VPS33A: variants seen among roughly 807,000 people sequenced by gnomAD.
VPS33A encodes vacuolar protein sorting-associated protein 33A.
In VPS33A, 32 loss-of-function variants were observed where a neutral mutation model predicts 71.8. The observed-to-expected ratio is 0.45, with a 90% CI of 0.34 to 0.60. The LOEUF is 0.60. Among genes scored for constraint, VPS33A ranks in the 20% least tolerant of loss-of-function variants. The pLI is 0.02. For synonymous variants in VPS33A, 311 were observed against 292.7 expected (o/e 1.06, Z -0.64); for missense variants, 625 against 748.5 (o/e 0.84, Z 1.92).
chr12:122,256,290 A>T (rs992627512), intron 4 of VPS33A, among the ~76,000 whole-genome samples: 11 of 151,936 alleles, frequency 7.2e-5, no homozygotes, highest in Admixed American at 5.9e-4. Context: ...AGAAGAAAAA[A>T]AGGCCAGGCA....
chr12:122,249,774 T>C, intron 6 of VPS33A, 97 bp downstream of exon 6: 1 of 1,208,802 alleles, frequency 8.3e-7, no homozygotes, highest in Non-Finnish European at 1.1e-6. Context: ...TCTCTGACTT[T>C]AAATTATGCT....
chr12:122,245,575 C>G (rs1247925720), intron 6 of VPS33A, among the ~76,000 whole-genome samples: 1 of 151,922 alleles, frequency 6.6e-6, no homozygotes, highest in African/African-American at 2.4e-5. Flanking sequence ...TCCTGAGTAG[C>G]TCAGATTATA....
chr12:122,263,493 C>T, intron 3 of VPS33A, 79 bp downstream of exon 3: 2 of 1,467,972 alleles, frequency 1.4e-6, no homozygotes, highest in Non-Finnish European at 1.8e-6. Flanking sequence ...GAGTGAGGGT[C>T]TTCCATGAGA....
chr12:122,238,807 A>ACACACACACACAC, intron 9 of VPS33A, 83 bp from the exon 10 acceptor site: 1 of 1,144,420 alleles, frequency 8.7e-7, no homozygotes, highest in Admixed American at 2.6e-5. Context: ...ACACACACAC[A>ACACACACACACAC]ATACATGGTT....
In VPS33A at chr12:122,235,850, C is replaced by G. The variant is rs1416257303; in HGVS notation, c.1376G>C (p.Gly459Ala). 8 of 1,613,504 alleles carry G rather than the reference C, an allele frequency of 5.0e-6. No homozygotes were observed. Among genetic ancestry groups the G allele is most frequent in the Non-Finnish European group, 6.8e-6 (8 of 1,179,834 alleles). ...KAGLLKPQTG[G>A]RNNYPTIRKT... is the part of the protein sequence containing the mutation. ...CCGTATAGTTGGGTAATTGTTTCTG[C>G]CCCCCGTCTGCGGTTTCAGCAGGCC... Residue 459 changes from glycine to alanine, a missense_variant, in exon 11 of 13, where the codon GGC (glycine) becomes GCC (alanine). Transcript: ENST00000267199.
At position 122,232,675 on chromosome 12, in the gene VPS33A, C is replaced by T. The variant is rs114693425; in HGVS notation, c.1609+125G>A. On this transcript the variant is annotated intron_variant, in intron 12 of 12. Transcript: ENST00000267199. ...GAGTTCTTACTACATACATTAGCAA[C>T]GAACAAAAGAGGTGTATTTAATTCT... 1,121 of 1,266,550 alleles carry T rather than the reference C, an allele frequency of 8.9e-4. 1 individual carries two copies. The African/African-American group carries it at 0.014, about 16-fold the overall frequency. The allele number at this position is 1,266,550 out of a possible 1,614,324, so 78.5% of individuals were successfully genotyped here. A position where few individuals can be genotyped will look rare whatever the true frequency, so the allele number is the denominator to read the frequency against.
At position 122,238,806 on chromosome 12, in the gene VPS33A, C is replaced by CACACACACACAA. The variant is rs1246278267; in HGVS notation, c.1165-83_1165-82insTTGTGTGTGTGT. On this transcript the variant is annotated intron_variant, in intron 9 of 12. Coordinates refer to ENST00000267199, the MANE Select transcript of VPS33A (RefSeq NM_022916.6). Reference sequence around the variant, plus strand: ...ACACACACACACACACACACACACACAATACATGGTTTAGGAACTTAACTT... The same window carrying CACACACACACAA: ...ACACACACACACACACACACACACACACACACACACAAAATACATGGTTTAGGAACTTAACTT... 3.7e-6 allele frequency: 4 copies of CACACACACACAA among 1,084,640 alleles called. No individual in the cohort carries two copies. The African/African-American group carries it at 6.8e-5, about 18-fold the overall frequency. 67.2% of individuals were successfully genotyped at this position (1,084,640 alleles called of 1,614,324 possible). A position where few individuals can be genotyped will look rare whatever the true frequency, so the allele number is the denominator to read the frequency against.
At chr12:122,244,402 T>G (rs1274272251) in intron 7 of VPS33A, among the ~76,000 whole-genome samples, 167 bp downstream of exon 7, 3 of 152,168 alleles carry the variant, frequency 2.0e-5, no homozygotes, top group Non-Finnish European at 4.4e-5. Context: ...AAGTTTAAAA[T>G]GAAAACCTCG....
At chr12:122,251,982 G>A (rs1034330413) in intron 4 of VPS33A, among the ~76,000 whole-genome samples, 9 of 151,988 alleles carry the variant, frequency 5.9e-5, no homozygotes, top group Non-Finnish European at 1.2e-4. Flanking sequence ...GGAAGGCTAG[G>A]TGCAGTGGCT....
intron 1 of VPS33A, among the ~76,000 whole-genome samples, chr12:122,264,520 A>G (rs1955041200): frequency 1.3e-5 from 2 of 152,008 alleles, no homozygotes; most frequent in Non-Finnish European, 2.9e-5. Flanking sequence ...CTTCCTGAGT[A>G]GCTGGGATTA....
intron 1 of VPS33A, among the ~76,000 whole-genome samples, chr12:122,265,041 G>T (rs1955048950): frequency 6.7e-6 from 1 of 149,634 alleles, no homozygotes; most frequent in Non-Finnish European, 1.5e-5. Flanking sequence ...TCCCATCTCA[G>T]CCTCTGGAGT....
chr12:122,235,120 C>T (rs954746024), intron 11 of VPS33A, among the ~76,000 whole-genome samples: 4 of 151,912 alleles, frequency 2.6e-5, no homozygotes, highest in Non-Finnish European at 4.4e-5. Context: ...AAGGCTCATA[C>T]TACCACTGGC....
chr12:122,258,469 A>C (rs186060535), intron 4 of VPS33A, among the ~76,000 whole-genome samples: 1 of 152,276 alleles, frequency 6.6e-6, no homozygotes, highest in East Asian at 1.9e-4. Flanking sequence ...CTGAGGAGAG[A>C]CTTGCATTTA....
chr12:122,252,077 G>A (rs1330252654), intron 4 of VPS33A, among the ~76,000 whole-genome samples: 5 of 151,866 alleles, frequency 3.3e-5, no homozygotes. Context: ...GGGCAACATA[G>A]TGAGACCCTG....
intron 4 of VPS33A, among the ~76,000 whole-genome samples, chr12:122,260,715 G>C (rs1182149074): frequency 1.3e-5 from 2 of 152,212 alleles, no homozygotes; most frequent in Non-Finnish European, 2.9e-5. Flanking sequence ...GCCAGGCGCG[G>C]TGGCTCACGC....
At chr12:122,259,552 C>T (rs1954965460) in intron 4 of VPS33A, among the ~76,000 whole-genome samples, 2 of 152,114 alleles carry the variant, frequency 1.3e-5, no homozygotes, top group African/African-American at 2.4e-5. Context: ...GAAATGAAAC[C>T]ATACATCCAC....
Position 122,235,810 on chromosome 12 carries a change from G to A in VPS33A, c.1416C>T (p.Leu472=). ...CTTGCTCATTAACATCATCCATCCAGAGGCGTAATGTTTTCCGTATAGTTG... is the reference window on the plus strand; with the variant it reads ...CTTGCTCATTAACATCATCCATCCAAAGGCGTAATGTTTTCCGTATAGTTG... ...NYPTIRKTLR[L]WMDDVNEQNP... Residue 472 remains leucine (L), a synonymous_variant, in exon 11 of 13, where the codon CTC becomes CTT. Coordinates refer to ENST00000267199, the MANE Select transcript of VPS33A (RefSeq NM_022916.6). 6.2e-7 allele frequency: 1 copy of A among 1,613,236 alleles called. No individual in the cohort carries two copies. The highest frequency in any genetic ancestry group is 1.3e-5 in the African/African-American group (1 of 74,968).
chr12:122,265,697 TGTCA>T (rs1247959847), intron 1 of VPS33A: 10 of 453,960 alleles, frequency 2.2e-5, no homozygotes, highest in East Asian at 7.0e-5. Flanking sequence ...ACAGTTGTAC[TGTCA>T]GTAACTTAGG....
Position 122,229,631 on chromosome 12 carries a change from C to T in VPS33A, c.*2615G>A, listed in dbSNP as rs1269270066. 2.6e-5 allele frequency: 4 copies of T among 152,062 alleles called. No individual in the cohort carries two copies. The highest frequency in any genetic ancestry group is 5.9e-5 in the Non-Finnish European group (4 of 67,996). 9.4% of individuals were successfully genotyped at this position (152,062 alleles called of 1,614,324 possible). On this transcript the variant is annotated 3_prime_UTR_variant, in exon 13 of 13. Coordinates refer to ENST00000267199, the MANE Select transcript of VPS33A (RefSeq NM_022916.6). ...ACTGTCTACCCAACTAGACAAAAGT[C>T]CAGACATGATGTAAACAATCCACTC...
Sources: gnomAD v4.1 joint callset for allele counts (sites outside exome capture counted in the v4.1 genomes callset) on GRCh38, gnomAD v4.1.1 for gene constraint, MANE v1.5 for transcripts, NCBI Gene and HGNC (gene_info 2026-07-23, HGNC 2026-07-21) for gene names.